The following CLCA2 variants were observed in gnomAD, a reference collection of about 807,000 sequenced individuals.
CLCA2 encodes calcium-activated chloride channel regulator 2.
A neutral mutation model predicts 82.9 loss-of-function variants in CLCA2; 85 were observed. The observed-to-expected ratio is 1.03, with a 90% CI of 0.86 to 1.23. The LOEUF is 1.23. CLCA2 is among the 50% of genes most tolerant of loss of function. CLCA2 has a pLI of 0.00. For synonymous variants in CLCA2, 421 were observed against 391.7 expected, an observed-to-expected ratio of 1.07 and a Z score of -0.88; for missense variants, 1,089 against 1,124.8, an observed-to-expected ratio of 0.97 and a Z score of 0.45.
intron 12 of CLCA2, among the ~76,000 whole-genome samples, chr1:86,452,599 C>A (rs2101713232): frequency 6.6e-6 from 1 of 152,220 alleles, no homozygotes; most frequent in African/African-American, 2.4e-5. Flanking sequence ...ACCTCTTTTT[C>A]ACCTCAGGGT....
intron 3 of CLCA2, among the ~76,000 whole-genome samples, chr1:86,428,872 T>C (rs756582181): frequency 4.6e-5 from 7 of 152,180 alleles, no homozygotes; most frequent in Non-Finnish European, 8.8e-5. Flanking sequence ...AACATCATTT[T>C]GATAAATGGA....
At chr1:86,441,091 G>A (rs1458494520) in intron 8 of CLCA2, among the ~76,000 whole-genome samples, 2 of 152,094 alleles carry the variant, frequency 1.3e-5, no homozygotes, top group Middle Eastern at 3.2e-3. Context: ...AATGTTTTCA[G>A]AATATAAATG....
chr1:86,435,409 G>A (rs1480153526), intron 6 of CLCA2, among the ~76,000 whole-genome samples: 2 of 152,186 alleles, frequency 1.3e-5, no homozygotes, highest in Non-Finnish European at 2.9e-5. Flanking sequence ...CCCTGGTTGA[G>A]GAAGTAAACT....
intron 6 of CLCA2, among the ~76,000 whole-genome samples, chr1:86,435,975 T>C (rs1036564321): frequency 6.6e-6 from 1 of 151,938 alleles, no homozygotes; most frequent in Non-Finnish European, 1.5e-5. Context: ...GAAAAGTATA[T>C]GAAATTCAAA....
rs55736627 is a variant in CLCA2, at chr1:86,428,548, C to G, written c.455C>G (p.Thr152Arg). 2 of 1,613,208 alleles carry G rather than the reference C, an allele frequency of 1.2e-6. No homozygotes were observed. Among genetic ancestry groups the G allele is most frequent in the African/African-American group, 2.7e-5 (2 of 74,854 alleles). Residue 152 changes from threonine to arginine, a missense_variant, in exon 3 of 14, where the codon ACA becomes AGA. Transcript: ENST00000370565. ...TPNFLLNDNL[T>R]AGYGSRGRVF... ...AATTTCCTACTGAATGATAACTTAA[C>G]AGCTGGCTACGGATCACGAGGTAAG...
intron 12 of CLCA2, among the ~76,000 whole-genome samples, chr1:86,451,582 C>G (rs1333879666): frequency 1.3e-5 from 2 of 152,086 alleles, no homozygotes; most frequent in Non-Finnish European, 2.9e-5. Context: ...TCCTGATTAC[C>G]TCCTATTTTC....
At chr1:86,430,307 A>C (rs1662469356) in intron 3 of CLCA2, among the ~76,000 whole-genome samples, 1 of 152,170 alleles carries the variant, frequency 6.6e-6, no homozygotes, top group Admixed American at 6.5e-5. Flanking sequence ...ATAAAAGAGA[A>C]GGGACCATCC....
At chr1:86,453,681 A>G (rs1663019907) in intron 13 of CLCA2, 79 bp downstream of exon 13, 1 of 1,228,196 alleles carries the variant, frequency 8.1e-7, no homozygotes, top group African/African-American at 1.5e-5. Flanking sequence ...GTAGAACTGA[A>G]AAAGGTACAG....
intron 3 of CLCA2, among the ~76,000 whole-genome samples, 163 bp from the exon 4 acceptor site, chr1:86,430,699 G>A (rs1377658233): frequency 6.6e-6 from 1 of 152,144 alleles, no homozygotes; most frequent in African/African-American, 2.4e-5. Context: ...GGAGGAGATG[G>A]GAATAGGATA....
Position 86,455,235 on chromosome 1 carries a change from G to T in CLCA2, c.2540G>T (p.Gly847Val), listed in dbSNP as rs1455209192. 2 of 1,614,088 alleles carry T rather than the reference G, an allele frequency of 1.2e-6. No homozygotes were observed. Among genetic ancestry groups the T allele is most frequent in the South Asian group, 1.1e-5 (1 of 91,078 alleles). The change falls in exon 14 of 14, where the codon GGA becomes GTA. Residue 847 changes from glycine to valine, a missense_variant. By Grantham distance (109) the Gly-to-Val change is moderately radical. Transcript: ENST00000370565. The part of the protein sequence containing the change: ...FTFSPQISTN[G>V]PEHQPNGETH... Reference sequence around the variant, plus strand: ...TTCTCACCCCAAATTTCCACGAATGGACCTGAACATCAGCCAAATGGAGAA... The same window carrying T: ...TTCTCACCCCAAATTTCCACGAATGTACCTGAACATCAGCCAAATGGAGAA...
At chr1:86,444,606 C>G (rs993623496) in intron 10 of CLCA2, among the ~76,000 whole-genome samples, 2 of 152,138 alleles carry the variant, frequency 1.3e-5, no homozygotes, top group African/African-American at 4.8e-5. Context: ...ATAAAAAGAA[C>G]ATGGCTGTTC....
At position 86,432,460 on chromosome 1, in the gene CLCA2, T is replaced by C; in HGVS notation, c.676T>C (p.Cys226Arg). The C allele has an allele frequency of 1.2e-6, 2 of 1,614,066 alleles. No homozygotes were observed. Among genetic ancestry groups the C allele is most frequent in the Non-Finnish European group, 8.5e-7 (1 of 1,179,976 alleles). Residue 226 changes from cysteine to arginine, a missense_variant, in exon 5 of 14, where the codon TGC (cysteine) becomes CGC (arginine). Cys to Arg is a radical substitution (Grantham distance 180). Transcript: ENST00000370565. ...CIISKLFKEG[C>R]TFIYNSTQNA... ...TATTAGTAAGCTTTTTAAAGAAGGA[T>C]GCACCTTTATCTACAATAGCACCCA...
rs1443407220 is a variant in CLCA2, at chr1:86,425,446, C to G, written c.294C>G (p.Asn98Lys). 6.5e-7 allele frequency: 1 copy of G among 1,550,312 alleles called. No individual in the cohort carries two copies. Among genetic ancestry groups the G allele is most frequent in the Admixed American group, 1.9e-5 (1 of 52,420 alleles). ...LIPATWKANNNSKIKQESYEK... is the reference protein window; with the variant it reads ...LIPATWKANNKSKIKQESYEK... ...CTGCCACATGGAAAGCTAATAATAA[C>G]AGCAAAATAAAACAAGAATCATATG... Residue 98 changes from asparagine (N) to lysine (K), a missense_variant, in exon 2 of 14, where the codon AAC becomes AAG. Physicochemically the swap from Asn to Lys is moderately conservative, Grantham distance 94 (BLOSUM62 0). Coordinates refer to ENST00000370565, the MANE Select transcript of CLCA2 (RefSeq NM_006536.7).
chr1:86,444,327 G>T (rs1422695848), intron 10 of CLCA2, among the ~76,000 whole-genome samples: 2 of 151,962 alleles, frequency 1.3e-5, no homozygotes, highest in African/African-American at 4.8e-5. Flanking sequence ...TATATGCTTA[G>T]AAAAAAATCT....
chr1:86,443,767 A>C lies in CLCA2; in HGVS notation c.1489-20A>C. 1 of 1,582,584 alleles carries C rather than the reference A, an allele frequency of 6.3e-7. No homozygotes were observed. The highest frequency in any genetic ancestry group is 8.7e-7 in the Non-Finnish European group (1 of 1,153,298). The stretch of plus-strand genomic sequence containing the variant: ...TTATGCATACACCAGAAACTCTCAT[A>C]TATATCTTCTCTTTAACAGCTTGAA... On this transcript the variant is annotated intron_variant, in intron 9 of 13. Coordinates refer to ENST00000370565, the MANE Select transcript of CLCA2 (RefSeq NM_006536.7).
chr1:86,452,776 T>C (rs55924979), intron 12 of CLCA2, among the ~76,000 whole-genome samples: 2,722 of 152,310 alleles, frequency 0.018, 30 homozygotes, highest in Non-Finnish European at 0.03. Context: ...CTTACACTTA[T>C]CATACTTTGT....
At chr1:86,451,147 G>T (rs1662954247) in intron 12 of CLCA2, among the ~76,000 whole-genome samples, 1 of 152,194 alleles carries the variant, frequency 6.6e-6, no homozygotes, top group South Asian at 2.1e-4. Context: ...CACAGGAAAT[G>T]AGTTCCTAAA....
At chr1:86,444,735 T>C (rs1353015560) in intron 10 of CLCA2, among the ~76,000 whole-genome samples, 1 of 152,180 alleles carries the variant, frequency 6.6e-6, no homozygotes, top group East Asian at 1.9e-4. Flanking sequence ...GCAAGGGCTT[T>C]GCACAACAGT....
chr1:86,433,266 T>C (rs1054436209), intron 5 of CLCA2, among the ~76,000 whole-genome samples: 1 of 152,152 alleles, frequency 6.6e-6, no homozygotes, highest in African/African-American at 2.4e-5. Context: ...GATATATCTC[T>C]CAAAGTTCAC....
Sources: allele counts gnomAD v4.1 joint callset (sites outside exome capture counted in the v4.1 genomes callset), GRCh38; gene constraint gnomAD v4.1.1; transcripts MANE v1.5; gene names NCBI Gene and HGNC (gene_info 2026-07-23, HGNC 2026-07-21).